Variants in ADAM12 observed in about 807,000 individuals in gnomAD.
The protein encoded by ADAM12 is disintegrin and metalloproteinase domain-containing protein 12.
Under a neutral mutation model 106.4 loss-of-function variants are expected in ADAM12, and 70 were observed. That is an observed-to-expected ratio of 0.66 (90% CI 0.54 to 0.80). The LOEUF (loss-of-function observed/expected upper bound fraction) is 0.80, where lower values mean the gene tolerates loss of function less well. ADAM12 is among the 30% of genes least tolerant of loss of function. The pLI is 0.00. For missense variants in ADAM12, 1,010 were observed against 1,171.9 expected, an observed-to-expected ratio of 0.86 and a Z score of 2.02; for synonymous variants, 420 against 433.5, an observed-to-expected ratio of 0.97 and a Z score of 0.39.
At position 126,194,874 on chromosome 10, in the gene ADAM12, C is replaced by T. The variant is rs138023184; in HGVS notation, c.261-39569G>A. ...GAACATCTTCAAAACTTTGTCTCAA[C>T]GGGATAATCAGACCTCATGTGGCCC... On this transcript the variant is annotated intron_variant, in intron 3 of 22. Transcript: ENST00000448723. 3.6e-3 allele frequency among the ~76,000 whole-genome samples: 553 copies of T among 152,294 alleles called. 2 individuals carry two copies. The highest frequency in any genetic ancestry group is 0.01 in the Middle Eastern group (3 of 294).
At chr10:126,065,108 G>A in intron 13 of ADAM12, 107 bp from the exon 14 acceptor site, 7 of 1,181,502 alleles carry the variant, frequency 5.9e-6, no homozygotes, top group Admixed American at 2.8e-5. Flanking sequence ...CCCACATAAG[G>A]GGTGAGGATT....
chr10:126,289,700 C>G (rs1249289132), intron 2 of ADAM12, among the ~76,000 whole-genome samples: 1 of 152,194 alleles, frequency 6.6e-6, no homozygotes, highest in Non-Finnish European at 1.5e-5. Context: ...CAACAAAGAA[C>G]TATTTCATTT....
intron 1 of ADAM12, among the ~76,000 whole-genome samples, chr10:126,346,989 G>C (rs1855165324): frequency 1.3e-5 from 2 of 152,276 alleles, no homozygotes; most frequent in South Asian, 4.1e-4. Flanking sequence ...TTGCCAGTTT[G>C]TGTCTTTTAA....
rs1227016895 is a variant in ADAM12, at chr10:126,036,292, C to T, written c.2383G>A (p.Val795Ile). ...CCGTTGAGGGGTCTGCTGATGTCAA[C>T]ATTCTGACACTGCAGCAATCTCCTG... The part of the protein sequence containing the change: ...NPRRLLQCQN[V>I]DISRPLNGLN... The change falls in exon 21 of 23, where the codon GTT becomes ATT. Residue 795 changes from valine (V) to isoleucine (I), a missense_variant. By Grantham distance (29) the Val-to-Ile change is conservative (BLOSUM62 3). Coordinates refer to ENST00000448723, the MANE Select transcript of ADAM12 (RefSeq NM_001288973.2). 6.4e-7 allele frequency: 1 copy of T among 1,564,202 alleles called. No individual in the cohort carries two copies. The highest frequency in any genetic ancestry group is 1.2e-5 in the South Asian group (1 of 82,456).
chr10:126,201,777 G>C (rs896977369), intron 3 of ADAM12, among the ~76,000 whole-genome samples: 3 of 152,242 alleles, frequency 2.0e-5, no homozygotes, highest in Middle Eastern at 3.4e-3. Flanking sequence ...AAAGAAAAAG[G>C]GAAGTGGTAA....
intron 6 of ADAM12, among the ~76,000 whole-genome samples, chr10:126,113,236 A>T (rs935778958): frequency 6.6e-6 from 1 of 152,160 alleles, no homozygotes; most frequent in Non-Finnish European, 1.5e-5. Context: ...GTATGGCTGG[A>T]GTCTGGCGAA....
chr10:126,090,492 G>C (rs1203007504), intron 11 of ADAM12, among the ~76,000 whole-genome samples: 1 of 152,064 alleles, frequency 6.6e-6, no homozygotes, highest in South Asian at 2.1e-4. Flanking sequence ...ACCTCCCTAA[G>C]ACCAAGGGCT....
At chr10:126,377,759 A>C (rs1856347102) in intron 1 of ADAM12, among the ~76,000 whole-genome samples, 1 of 152,234 alleles carries the variant, frequency 6.6e-6, no homozygotes, top group Non-Finnish European at 1.5e-5. Flanking sequence ...AGAACCCAGA[A>C]GCATATCTGT....
At chr10:126,319,608 G>A (rs1410991965) in intron 2 of ADAM12, among the ~76,000 whole-genome samples, 2 of 152,128 alleles carry the variant, frequency 1.3e-5, no homozygotes, top group African/African-American at 4.8e-5. Flanking sequence ...TCAGAGACAC[G>A]ACACTGAACA....
chr10:126,108,459 G>A, intron 8 of ADAM12, 134 bp downstream of exon 8: 1 of 746,556 alleles, frequency 1.3e-6, no homozygotes, highest in Non-Finnish European at 2.2e-6. Context: ...TACACACTCA[G>A]AGGACAGGAA....
intron 12 of ADAM12, among the ~76,000 whole-genome samples, chr10:126,068,370 C>CT (rs201024003): frequency 0.019 from 2,913 of 152,264 alleles, 61 homozygotes; most frequent in Non-Finnish European, 0.025. Flanking sequence ...TCCTAAAATT[C>CT]TTTAAGAAAT....
At chr10:126,339,092 C>T (rs879680880) in intron 1 of ADAM12, among the ~76,000 whole-genome samples, 1 of 152,144 alleles carries the variant, frequency 6.6e-6, no homozygotes, top group Non-Finnish European at 1.5e-5. Flanking sequence ...CAGGTCTTGC[C>T]TCCTCCACTT....
At chr10:126,137,033 A>C (rs1222225905) in intron 4 of ADAM12, among the ~76,000 whole-genome samples, 2 of 152,092 alleles carry the variant, frequency 1.3e-5, no homozygotes, top group Non-Finnish European at 2.9e-5. Flanking sequence ...CAGGGTCACA[A>C]ATATGTTCTT....
chr10:126,218,675 C>T (rs1260268483), intron 3 of ADAM12, among the ~76,000 whole-genome samples: 2 of 152,194 alleles, frequency 1.3e-5, no homozygotes, highest in Non-Finnish European at 2.9e-5. Context: ...ACCCATCCCA[C>T]AACACTGGCT....
intron 9 of ADAM12, among the ~76,000 whole-genome samples, chr10:126,098,805 A>G (rs1955605337): frequency 6.6e-6 from 1 of 152,230 alleles, no homozygotes; most frequent in South Asian, 2.1e-4. Context: ...CTCCATTTAA[A>G]CAATGTCTGC....
At chr10:126,382,451 C>A (rs1856528922) in intron 1 of ADAM12, among the ~76,000 whole-genome samples, 1 of 152,250 alleles carries the variant, frequency 6.6e-6, no homozygotes, top group East Asian at 1.9e-4. Context: ...AACGGCAACA[C>A]TATCTTCTTT....
intron 1 of ADAM12, among the ~76,000 whole-genome samples, chr10:126,367,583 A>AAG (rs34301385): frequency 0.36 from 54,082 of 151,556 alleles, 9,850 homozygotes; most frequent in South Asian, 0.42. Context: ...TAAATAACAA[A>AAG]AGAAAATCTT....
intron 3 of ADAM12, among the ~76,000 whole-genome samples, chr10:126,267,255 C>T (rs555800781): frequency 2.6e-5 from 4 of 152,156 alleles, no homozygotes; most frequent in Non-Finnish European, 5.9e-5. Flanking sequence ...GGTCCCCAAA[C>T]TTTTTGGCAC....
chr10:126,117,911 T>C, intron 6 of ADAM12, 127 bp downstream of exon 6: 1 of 1,039,580 alleles, frequency 9.6e-7, no homozygotes, highest in Non-Finnish European at 1.4e-6. Flanking sequence ...CCAGATAAAC[T>C]GGGCACTTCC....
Sources: gnomAD v4.1 joint callset for allele counts (sites outside exome capture counted in the v4.1 genomes callset) on GRCh38, gnomAD v4.1.1 for gene constraint, MANE v1.5 for transcripts, NCBI Gene and HGNC (gene_info 2026-07-23, HGNC 2026-07-21) for gene names.